TET1: variants seen among roughly 807,000 people sequenced by gnomAD.
TET1 encodes tet methylcytosine dioxygenase 1, also known as methylcytosine dioxygenase TET1.
In TET1, 13 loss-of-function variants were observed where a neutral mutation model predicts 148.7. The observed-to-expected ratio is 0.09, with a 90% CI of 0.06 to 0.14. The LOEUF is 0.14. Ranked by LOEUF, TET1 falls within the 10% of genes least tolerant of loss-of-function variation. TET1 has a pLI of 1.00. For synonymous variants in TET1, 907 were observed against 937.2 expected, an observed-to-expected ratio of 0.97 and a Z score of 0.59; for missense variants, 2,182 against 2,553.8, an observed-to-expected ratio of 0.85 and a Z score of 3.14.
intron 3 of TET1, among the ~76,000 whole-genome samples, chr10:68,615,913 C>A (rs1215008033): frequency 1.3e-5 from 2 of 152,214 alleles, no homozygotes; most frequent in Non-Finnish European, 2.9e-5. Context: ...TCCCAAAGTG[C>A]TGGGATTACA....
intron 4 of TET1, among the ~76,000 whole-genome samples, chr10:68,647,468 G>C (rs1025155452): frequency 9.2e-5 from 14 of 152,042 alleles, no homozygotes; most frequent in Non-Finnish European, 2.1e-4. Context: ...GTTGAGCATG[G>C]TGGTGCACGC....
At chr10:68,662,700 G>T (rs2055139522) in intron 6 of TET1, among the ~76,000 whole-genome samples, 1 of 152,208 alleles carries the variant, frequency 6.6e-6, no homozygotes, top group African/African-American at 2.4e-5. Context: ...CCTGGAGTTT[G>T]AGACAAACCT....
chr10:68,589,327 A>G (rs1344629321), intron 2 of TET1, among the ~76,000 whole-genome samples: 2 of 152,098 alleles, frequency 1.3e-5, no homozygotes, highest in Admixed American at 6.6e-5. Flanking sequence ...ACTAGAAGTG[A>G]AAGTTTCTTA....
At chr10:68,669,204 C>T (rs2133183195) in intron 7 of TET1, among the ~76,000 whole-genome samples, 1 of 152,150 alleles carries the variant, frequency 6.6e-6, no homozygotes, top group Non-Finnish European at 1.5e-5. Context: ...CTGATTTTGC[C>T]AGTGCACTTG....
chr10:68,683,371 T>C (rs1483062231), intron 10 of TET1, among the ~76,000 whole-genome samples: 2 of 152,148 alleles, frequency 1.3e-5, no homozygotes, highest in Admixed American at 6.5e-5. Context: ...CTCTGCCTCC[T>C]GGGTTCACGC....
At chr10:68,665,774 T>C (rs1454176701) in intron 6 of TET1, among the ~76,000 whole-genome samples, 1 of 152,030 alleles carries the variant, frequency 6.6e-6, no homozygotes, top group East Asian at 1.9e-4. Context: ...CGTATAAATA[T>C]AGAAAAAATT....
rs60806125 is a variant in TET1, at chr10:68,661,871, A to AT, written c.4462-5166dup. 6.6e-3 allele frequency among the ~76,000 whole-genome samples: 800 copies of AT among 121,580 alleles called. 8 individuals are homozygous for AT. Among genetic ancestry groups the AT allele is most frequent in the African/African-American group, 0.023 (755 of 32,562 alleles). 79.8% of individuals were successfully genotyped at this position (121,580 alleles called of 152,430 possible). ...TTGTGGGTTTTTTAATTTAAAAAAA[A>AT]TTTTTTTTCTTTTTTTTTTTTTTTT... On this transcript the variant is annotated intron_variant, in intron 6 of 11. Transcript: ENST00000373644.
chr10:68,624,602 C>CTCTCTTTCTT (rs2054426665), intron 3 of TET1, among the ~76,000 whole-genome samples: 6 of 113,946 alleles, frequency 5.3e-5, no homozygotes, highest in African/African-American at 2.0e-4. Flanking sequence ...TTTTCTTTTT[C>CTCTCTTTCTT]TCTTTCTTTC....
chr10:68,595,612 C>CTTGTTTTTTTTTTTTTT (rs1554932701), intron 2 of TET1, among the ~76,000 whole-genome samples: 1 of 76,516 alleles, frequency 1.3e-5, no homozygotes, highest in Non-Finnish European at 2.5e-5. Flanking sequence ...CACACAGCTT[C>CTTGTTTTTTTTTTTTTT]TTTTTTTTTT....
intron 2 of TET1, among the ~76,000 whole-genome samples, chr10:68,586,492 T>TTTGTTG (rs796267009): frequency 1.3e-5 from 2 of 150,172 alleles, no homozygotes; most frequent in African/African-American, 5.0e-5. Flanking sequence ...AACGTTTTTT[T>TTTGTTG]TTTTTTTTTA....
intron 10 of TET1, among the ~76,000 whole-genome samples, chr10:68,684,543 A>G (rs2055483644): frequency 6.6e-6 from 1 of 152,160 alleles, no homozygotes. Flanking sequence ...CCTGAATTAC[A>G]GAATATCTGT....
chr10:68,588,140 G>A (rs1474545227), intron 2 of TET1, among the ~76,000 whole-genome samples: 1 of 152,174 alleles, frequency 6.6e-6, no homozygotes, highest in African/African-American at 2.4e-5. Context: ...GAGATTACAG[G>A]CGTCGGCCAC....
intron 2 of TET1, among the ~76,000 whole-genome samples, chr10:68,578,603 A>G (rs1446613318): frequency 6.6e-6 from 1 of 152,054 alleles, no homozygotes; most frequent in Admixed American, 6.6e-5. Context: ...CATGGCAAGG[A>G]CAGATTTTGA....
chr10:68,611,502 G>T (rs770601287), intron 3 of TET1, among the ~76,000 whole-genome samples: 1 of 151,100 alleles, frequency 6.6e-6, no homozygotes, highest in African/African-American at 2.4e-5. Context: ...AAAAAAATAA[G>T]TGGGTTGGGC....
intron 3 of TET1, among the ~76,000 whole-genome samples, chr10:68,611,186 G>A (rs2054204105): frequency 1.3e-5 from 2 of 152,018 alleles, no homozygotes; most frequent in Admixed American, 6.6e-5. Flanking sequence ...AGCTACTCGG[G>A]AGGCTGAGGT....
At chr10:68,571,676 G>A (rs983240578) in intron 1 of TET1, among the ~76,000 whole-genome samples, 1 of 152,118 alleles carries the variant, frequency 6.6e-6, no homozygotes, top group Non-Finnish European at 1.5e-5. Context: ...GGGATTACAG[G>A]CATGAGCCAC....
At chr10:68,681,351 C>A in intron 8 of TET1, 48 bp from the exon 9 acceptor site, 2 of 1,212,672 alleles carry the variant, frequency 1.6e-6, no homozygotes, top group Admixed American at 1.7e-5. Flanking sequence ...ACCTTAAACA[C>A]ATGAAGGTGC....
chr10:68,613,569 A>G (rs1323590650), intron 3 of TET1, among the ~76,000 whole-genome samples: 2 of 152,192 alleles, frequency 1.3e-5, no homozygotes, highest in Admixed American at 6.5e-5. Flanking sequence ...TGCCTTAATC[A>G]TTGGTTCATT....
chr10:68,642,061 TA>T (rs2054764534), intron 3 of TET1, among the ~76,000 whole-genome samples: 1 of 152,250 alleles, frequency 6.6e-6, no homozygotes, highest in South Asian at 2.1e-4. Context: ...ATACACTGTG[TA>T]ATTGGAGTTA....
Sources: gnomAD v4.1 joint callset for allele counts (sites outside exome capture counted in the v4.1 genomes callset) on GRCh38, gnomAD v4.1.1 for gene constraint, MANE v1.5 for transcripts, NCBI Gene and HGNC (gene_info 2026-07-23, HGNC 2026-07-21) for gene names.